The following SLC12A8 variants were observed in gnomAD, a reference collection of about 807,000 sequenced individuals.
The protein encoded by SLC12A8 is cation-chloride cotransporter 9.
Under a neutral mutation model 75.6 loss-of-function variants are expected in SLC12A8, and 69 were observed. The ratio of observed to expected loss-of-function variants is 0.91; its 90% CI spans 0.75 to 1.11. The LOEUF (loss-of-function observed/expected upper bound fraction) is 1.11. SLC12A8 is among the 50% of genes most tolerant of loss of function. The pLI is 0.00. For missense variants in SLC12A8, 877 were observed against 896.7 expected (o/e 0.98, Z 0.28); for synonymous variants, 365 against 372.8 (o/e 0.98, Z 0.24).
chr3:125,092,462 G>C (rs568327290), intron 10 of SLC12A8, among the ~76,000 whole-genome samples: 4 of 152,232 alleles, frequency 2.6e-5, no homozygotes, highest in African/African-American at 4.8e-5. Flanking sequence ...ATGTCATCTG[G>C]GGCAACTGGA....
chr3:125,190,608 G>C, intron 2 of SLC12A8, 87 bp from the exon 3 acceptor site: 2 of 1,497,110 alleles, frequency 1.3e-6, no homozygotes, highest in Middle Eastern at 1.8e-4. Flanking sequence ...AGGGAGGTAG[G>C]AGAACTCAGC....
chr3:125,144,588 C>T (rs974643766), intron 5 of SLC12A8, among the ~76,000 whole-genome samples: 1 of 152,126 alleles, frequency 6.6e-6, no homozygotes, highest in African/African-American at 2.4e-5. Context: ...GCTGTTTTAA[C>T]GGGAAGTCTC....
chr3:125,196,932 A>C (rs1477146214), intron 2 of SLC12A8, among the ~76,000 whole-genome samples: 1 of 152,212 alleles, frequency 6.6e-6, no homozygotes, highest in Non-Finnish European at 1.5e-5. Flanking sequence ...TGTCTCAAAC[A>C]AACAAAAAAA....
chr3:125,137,222 A>G (rs1029170541), intron 5 of SLC12A8, among the ~76,000 whole-genome samples: 11 of 152,220 alleles, frequency 7.2e-5, no homozygotes, highest in Admixed American at 7.2e-4. Flanking sequence ...ACTTCATAAG[A>G]AAAATATTTT....
chr3:125,147,896 C>A (rs1933824546), intron 5 of SLC12A8, among the ~76,000 whole-genome samples: 1 of 152,182 alleles, frequency 6.6e-6, no homozygotes, highest in African/African-American at 2.4e-5. Context: ...TCTTCCAGGA[C>A]AAGCAATGAT....
In SLC12A8 at chr3:125,202,986, G is replaced by A. The variant is rs180847520; in HGVS notation, c.51+8313C>T. Reference sequence around the variant, plus strand: ...ACCTATAATCCCAGCTACTTGGGAGGCTGAGGCAGGAGAATCGCTTGAACC... The same window carrying A: ...ACCTATAATCCCAGCTACTTGGGAGACTGAGGCAGGAGAATCGCTTGAACC... On this transcript the variant is annotated intron_variant, in intron 2 of 13. Transcript: ENST00000469902. Among the ~76,000 whole-genome samples, 151 of 151,226 alleles carry A rather than the reference G, an allele frequency of 1.0e-3. 1 individual carries two copies. Among genetic ancestry groups the A allele is most frequent in the African/African-American group, 3.6e-3 (147 of 41,188 alleles).
Position 125,088,375 on chromosome 3 carries a change from A to G in SLC12A8, c.1922-5T>C. 1 of 1,614,184 alleles carries G rather than the reference A, an allele frequency of 6.2e-7. No homozygotes were observed. Among genetic ancestry groups the G allele is most frequent in the East Asian group, 2.2e-5 (1 of 44,882 alleles). Reference sequence around the variant, plus strand: ...AGCTGAAGTTGGAGGCTGATCCTGCAGGGAAGACATATACATAACCATTTT... The same window carrying G: ...AGCTGAAGTTGGAGGCTGATCCTGCGGGGAAGACATATACATAACCATTTT... On this transcript the variant is annotated splice_region_variant and splice_polypyrimidine_tract_variant and intron_variant, in intron 12 of 13. Transcript: ENST00000469902.
At chr3:125,176,721 A>G (rs1297364910) in intron 5 of SLC12A8, among the ~76,000 whole-genome samples, 1 of 151,086 alleles carries the variant, frequency 6.6e-6, no homozygotes, top group Non-Finnish European at 1.5e-5. Flanking sequence ...GACACATGAA[A>G]AAATGCTCAT....
chr3:125,113,639 G>A (rs1939239169), intron 8 of SLC12A8, among the ~76,000 whole-genome samples: 1 of 152,204 alleles, frequency 6.6e-6, no homozygotes, highest in South Asian at 2.1e-4. Context: ...GGAGGTGGAA[G>A]TGAGAATTTA....
chr3:125,109,402 G>T (rs533481456), intron 9 of SLC12A8, among the ~76,000 whole-genome samples: 1 of 152,296 alleles, frequency 6.6e-6, no homozygotes, highest in African/African-American at 2.4e-5. Context: ...ATCTCAAACG[G>T]ACTATGTCCA....
intron 10 of SLC12A8, among the ~76,000 whole-genome samples, chr3:125,101,390 G>C (rs1460214459): frequency 6.6e-6 from 1 of 152,344 alleles, no homozygotes; most frequent in East Asian, 1.9e-4. Context: ...TTGTTGAATG[G>C]ACATGAATGA....
At chr3:125,084,588 G>A (rs566496005) in intron 13 of SLC12A8, among the ~76,000 whole-genome samples, 282 of 152,362 alleles carry the variant, frequency 1.9e-3, no homozygotes, top group African/African-American at 6.2e-3. Context: ...GTCCCATATG[G>A]ATCCCACTGT....
intron 3 of SLC12A8, 135 bp downstream of exon 3, chr3:125,190,240 G>A (rs1351016071): frequency 6.8e-5 from 63 of 925,794 alleles, no homozygotes; most frequent in South Asian, 5.0e-4. Context: ...GCTATTCATC[G>A]TGCTTGCTTC....
At chr3:125,109,765 G>C (rs564542644) in intron 9 of SLC12A8, among the ~76,000 whole-genome samples, 2 of 152,302 alleles carry the variant, frequency 1.3e-5, no homozygotes, top group South Asian at 4.2e-4. Context: ...CAACCCCCAA[G>C]GGGCGGTTGA....
At chr3:125,169,013 A>G (rs986754177) in intron 5 of SLC12A8, among the ~76,000 whole-genome samples, 2 of 152,224 alleles carry the variant, frequency 1.3e-5, no homozygotes, top group African/African-American at 4.8e-5. Flanking sequence ...AGACCAGGCT[A>G]CCGTCTTCCT....
chr3:125,099,858 G>A lies in SLC12A8; in HGVS notation c.1705+7623C>T, dbSNP rs547276628. On this transcript the variant is annotated intron_variant, in intron 10 of 13. Coordinates refer to ENST00000469902, the MANE Select transcript of SLC12A8 (RefSeq NM_024628.6). The stretch of plus-strand genomic sequence containing the variant: ...CAGGAGAATTGCCTGAACCCAGGAG[G>A]TGGAGGTTGCAGTGAGCCGAGATCA... 1.4e-3 allele frequency among the ~76,000 whole-genome samples: 209 copies of A among 152,004 alleles called. 3 individuals carry two copies. The South Asian group carries it at 0.019, about 14-fold the overall frequency.
chr3:125,179,070 C>T (rs1456851317), intron 4 of SLC12A8, among the ~76,000 whole-genome samples: 1 of 152,050 alleles, frequency 6.6e-6, no homozygotes, highest in Non-Finnish European at 1.5e-5. Context: ...CAGGTTTGTC[C>T]TTCACTGCCC....
At chr3:125,137,379 T>C (rs1200027331) in intron 5 of SLC12A8, among the ~76,000 whole-genome samples, 2 of 152,214 alleles carry the variant, frequency 1.3e-5, no homozygotes, top group Non-Finnish European at 2.9e-5. Context: ...GTACAACTTT[T>C]CTGAATGGTT....
chr3:125,091,644 T>G, intron 11 of SLC12A8, 88 bp from the exon 12 acceptor site: 3 of 831,400 alleles, frequency 3.6e-6, no homozygotes, highest in Non-Finnish European at 4.2e-6. Flanking sequence ...AGCAACAACA[T>G]TCCCTCTCAT....
Sources: allele counts gnomAD v4.1 joint callset (sites outside exome capture counted in the v4.1 genomes callset), GRCh38; gene constraint gnomAD v4.1.1; transcripts MANE v1.5; gene names NCBI Gene and HGNC (gene_info 2026-07-23, HGNC 2026-07-21).